Variants in MTA3 observed in about 807,000 individuals in gnomAD.
The protein encoded by MTA3 is metastasis associated 1 family member 3, also known as metastasis-associated protein MTA3.
Under a neutral mutation model 83.5 loss-of-function variants are expected in MTA3, and 34 were observed. The observed-to-expected ratio is 0.41, with a 90% CI of 0.31 to 0.54. MTA3 has a LOEUF of 0.54. Among genes scored for constraint, MTA3 ranks in the 20% least tolerant of loss-of-function variants. MTA3 has a pLI of 0.33. For missense variants in MTA3, 761 were observed against 726.4 expected (o/e 1.05, Z -0.55); for synonymous variants, 303 against 252.7 (o/e 1.20, Z -1.89).
intron 4 of MTA3, among the ~76,000 whole-genome samples, chr2:42,609,925 C>T (rs540362969): frequency 1.3e-4 from 20 of 152,170 alleles, no homozygotes; most frequent in South Asian, 2.1e-4. Context: ...ACGGTGAAAC[C>T]CCATCTCTAC....
intron 16 of MTA3, among the ~76,000 whole-genome samples, chr2:42,745,445 T>A (rs529815917): frequency 6.6e-6 from 1 of 152,362 alleles, no homozygotes; most frequent in Admixed American, 6.5e-5. Context: ...CCTCCTGGAC[T>A]GGCCCTCTGA....
intron 1 of MTA3, among the ~76,000 whole-genome samples, chr2:42,569,077 G>C (rs1572999660): frequency 6.6e-6 from 1 of 152,232 alleles, no homozygotes; most frequent in South Asian, 2.1e-4. Flanking sequence ...CCCTCATCGG[G>C]GTAGGGCCCG....
intron 4 of MTA3, among the ~76,000 whole-genome samples, chr2:42,635,691 T>TATTG (rs1415438662): frequency 1.2e-4 from 18 of 152,146 alleles, no homozygotes; most frequent in Non-Finnish European, 2.2e-4. Context: ...TAAAAAAATG[T>TATTG]CTTTCTTTAA....
intron 11 of MTA3, among the ~76,000 whole-genome samples, 188 bp downstream of exon 11, chr2:42,698,022 C>T (rs1374057937): frequency 6.6e-6 from 1 of 152,066 alleles, no homozygotes; most frequent in Admixed American, 6.5e-5. Context: ...AATAGACTAA[C>T]CTGAAGACTA....
At chr2:42,716,285 T>G (rs1201955670) in intron 14 of MTA3, among the ~76,000 whole-genome samples, 1 of 152,246 alleles carries the variant, frequency 6.6e-6, no homozygotes, top group Non-Finnish European at 1.5e-5. Context: ...TGTTTTAGGC[T>G]CTCTGCAGTA....
intron 9 of MTA3, among the ~76,000 whole-genome samples, chr2:42,686,649 A>T (rs1573618330): frequency 6.6e-6 from 1 of 152,090 alleles, no homozygotes; most frequent in Non-Finnish European, 1.5e-5. Context: ...ACATGGTGAA[A>T]CCCTGTGTCT....
At chr2:42,517,460 C>G (rs889756444) in intron 2 of MTA3, among the ~76,000 whole-genome samples, 1 of 150,758 alleles carries the variant, frequency 6.6e-6, no homozygotes, top group Non-Finnish European at 1.5e-5. Flanking sequence ...GTAATCCCAG[C>G]TACTCAGGAG....
At chr2:42,526,008 C>T (rs978758334) in intron 2 of MTA3, among the ~76,000 whole-genome samples, 1 of 152,068 alleles carries the variant, frequency 6.6e-6, no homozygotes, top group African/African-American at 2.4e-5. Flanking sequence ...AGAACCCCCT[C>T]GTTAATGCCT....
intron 2 of MTA3, among the ~76,000 whole-genome samples, chr2:42,521,086 T>G (rs1490812657): frequency 6.6e-6 from 1 of 152,212 alleles, no homozygotes; most frequent in African/African-American, 2.4e-5. Flanking sequence ...GGATTGGACC[T>G]AGTGGCTCAC....
intron 16 of MTA3, among the ~76,000 whole-genome samples, chr2:42,732,404 C>A (rs1332700685): frequency 6.6e-6 from 1 of 152,216 alleles, no homozygotes; most frequent in African/African-American, 2.4e-5. Context: ...TTGCCCCTTT[C>A]AGCCACAGCT....
At chr2:42,719,306 A>G (rs1189273156) in intron 15 of MTA3, among the ~76,000 whole-genome samples, 4 of 152,184 alleles carry the variant, frequency 2.6e-5, no homozygotes, top group Non-Finnish European at 4.4e-5. Flanking sequence ...CCAAAAAGCC[A>G]TCGAATAAAA....
At chr2:42,733,611 A>T (rs13402948) in intron 16 of MTA3, among the ~76,000 whole-genome samples, 50,519 of 152,120 alleles carry the variant, frequency 0.33, 8,753 homozygotes, top group Middle Eastern at 0.42. Flanking sequence ...TAATGTTTTC[A>T]TCGACCCACT....
intron 3 of MTA3, among the ~76,000 whole-genome samples, chr2:42,600,617 C>T (rs1239713902): frequency 1.3e-5 from 2 of 151,970 alleles, no homozygotes; most frequent in Non-Finnish European, 2.9e-5. Flanking sequence ...TCTCCGCTCA[C>T]TGCAACCTCT....
chr2:42,690,656 G>A (rs1233034296), intron 9 of MTA3, among the ~76,000 whole-genome samples: 2 of 146,002 alleles, frequency 1.4e-5, no homozygotes, highest in African/African-American at 5.0e-5. Context: ...TATAATTATG[G>A]GGTACATGAA....
chr2:42,671,164 G>A (rs1314474890), intron 8 of MTA3, among the ~76,000 whole-genome samples: 1 of 152,026 alleles, frequency 6.6e-6, no homozygotes, highest in East Asian at 1.9e-4. Context: ...GTGGGTTATG[G>A]TTATAATCTG....
At chr2:42,643,245 G>A (rs1687867674) in intron 5 of MTA3, among the ~76,000 whole-genome samples, 1 of 151,978 alleles carries the variant, frequency 6.6e-6, no homozygotes, top group Admixed American at 6.6e-5. Context: ...CTTTGCTGGG[G>A]CTTGGTAAAG....
At chr2:42,548,074 C>G (rs1297016440) in intron 2 of MTA3, among the ~76,000 whole-genome samples, 1 of 152,210 alleles carries the variant, frequency 6.6e-6, no homozygotes, top group Admixed American at 6.5e-5. Flanking sequence ...GCCACCCATA[C>G]AGTAGAGAGG....
intron 9 of MTA3, among the ~76,000 whole-genome samples, chr2:42,690,355 G>A (rs1030100939): frequency 6.6e-6 from 1 of 152,084 alleles, no homozygotes; most frequent in Non-Finnish European, 1.5e-5. Flanking sequence ...CTGTAAAGCT[G>A]TCTCTTTATC....
intron 16 of MTA3, among the ~76,000 whole-genome samples, chr2:42,733,883 G>C (rs958384098): frequency 6.6e-6 from 1 of 152,004 alleles, no homozygotes; most frequent in Non-Finnish European, 1.5e-5. Context: ...ATTTTACTGT[G>C]ATCAGAAAAG....
Sources: allele counts gnomAD v4.1 joint callset (sites outside exome capture counted in the v4.1 genomes callset), GRCh38; gene constraint gnomAD v4.1.1; transcripts MANE v1.5; gene names NCBI Gene and HGNC (gene_info 2026-07-23, HGNC 2026-07-21).